SLC4A4: variants seen among roughly 807,000 people sequenced by gnomAD.
The protein encoded by SLC4A4 is solute carrier family 4 member 4.
In SLC4A4, 27 loss-of-function variants were observed where a neutral mutation model predicts 111.5. The observed-to-expected ratio is 0.24, with a 90% confidence interval of 0.18 to 0.33. SLC4A4 has a LOEUF of 0.33. Ranked by LOEUF, SLC4A4 falls within the 10% of genes least tolerant of loss-of-function variation. SLC4A4 has a pLI of 1.00. For missense variants in SLC4A4, 909 were observed against 1,315.5 expected (o/e 0.69, Z 4.78); for synonymous variants, 443 against 463.4 (o/e 0.96, Z 0.57).
At chr4:71,204,488 A>G (rs1458919466) in intron 1 of SLC4A4, among the ~76,000 whole-genome samples, 13 of 152,148 alleles carry the variant, frequency 8.5e-5, no homozygotes, top group Non-Finnish European at 1.5e-4. Context: ...AAAACTTTTT[A>G]TTCTTCTTGT....
intron 16 of SLC4A4, among the ~76,000 whole-genome samples, chr4:71,503,589 C>T (rs768679264): frequency 1.8e-4 from 27 of 151,924 alleles, no homozygotes; most frequent in Non-Finnish European, 2.8e-4. Flanking sequence ...TTTTTTGCTC[C>T]CTCCCACAAT....
chr4:71,352,030 A>C (rs1283143948), intron 5 of SLC4A4, among the ~76,000 whole-genome samples: 2 of 152,336 alleles, frequency 1.3e-5, no homozygotes, highest in East Asian at 1.9e-4. Flanking sequence ...GGGAGATCGG[A>C]ACCCATCTAC....
chr4:71,063,466 T>G lies in SLC4A4; in HGVS notation c.-65+678T>G, dbSNP rs141940208. Among the ~76,000 whole-genome samples the G allele has an allele frequency of 7.9e-4, 120 of 152,230 alleles. 1 individual carries two copies. The East Asian group carries it at 0.022, about 27-fold the overall frequency. On this transcript the variant is annotated intron_variant, in intron 1 of 26. Transcript: ENST00000649996. ...ATCATTCTCTCATAACTAAAGAATT[T>G]TATTAAATGAGTCAATAAATGTCAA...
intron 1 of SLC4A4, among the ~76,000 whole-genome samples, chr4:71,082,939 C>T (rs138029600): frequency 1.1e-4 from 16 of 151,902 alleles, no homozygotes; most frequent in East Asian, 5.8e-4. Context: ...CTGTAACCTC[C>T]GCCTCCCAGG....
intron 13 of SLC4A4, among the ~76,000 whole-genome samples, chr4:71,471,228 T>C (rs370437738): frequency 3.9e-5 from 6 of 151,992 alleles, no homozygotes; most frequent in East Asian, 1.9e-4. Context: ...CAAGTCTTTA[T>C]TGGGCACTTT....
At chr4:71,431,318 G>T (rs867769373) in intron 7 of SLC4A4, among the ~76,000 whole-genome samples, 1 of 152,154 alleles carries the variant, frequency 6.6e-6, no homozygotes, top group South Asian at 2.1e-4. Flanking sequence ...TGTGTCCAGG[G>T]AAAGCCTCTC....
chr4:71,565,768 C>A (rs12644022), intron 24 of SLC4A4, among the ~76,000 whole-genome samples: 3 of 151,638 alleles, frequency 2.0e-5, no homozygotes, highest in Admixed American at 6.6e-5. Context: ...GTATCCACCC[C>A]CTGAGGTTCC....
chr4:71,420,994 T>A (rs1722411940), intron 7 of SLC4A4, among the ~76,000 whole-genome samples: 1 of 147,900 alleles, frequency 6.8e-6, no homozygotes, highest in African/African-American at 2.5e-5. Flanking sequence ...AATATTAACT[T>A]TAAATGTAAA....
chr4:71,399,326 T>C (rs1404518224), intron 7 of SLC4A4, among the ~76,000 whole-genome samples: 1 of 152,124 alleles, frequency 6.6e-6, no homozygotes, highest in Non-Finnish European at 1.5e-5. Flanking sequence ...TTCATGATGG[T>C]GTTCCTCTTT....
intron 18 of SLC4A4, among the ~76,000 whole-genome samples, chr4:71,538,260 T>G (rs1411686561): frequency 1.3e-5 from 2 of 152,140 alleles, no homozygotes; most frequent in Non-Finnish European, 2.9e-5. Flanking sequence ...TTCGGAAGTT[T>G]AGGAATGATA....
intron 2 of SLC4A4, among the ~76,000 whole-genome samples, chr4:71,106,214 C>A (rs1160489498): frequency 6.7e-6 from 1 of 149,908 alleles, no homozygotes; most frequent in Admixed American, 6.6e-5. Flanking sequence ...AAATCTAAAC[C>A]ACAATGAGCT....
chr4:71,214,712 C>T (rs1376891742), intron 1 of SLC4A4, among the ~76,000 whole-genome samples: 4 of 152,170 alleles, frequency 2.6e-5, no homozygotes, highest in Non-Finnish European at 4.4e-5. Flanking sequence ...TTTCATGTCA[C>T]AGAGTGCTCA....
At chr4:71,345,363 A>G (rs2067558) in intron 4 of SLC4A4, among the ~76,000 whole-genome samples, 34 of 152,074 alleles carry the variant, frequency 2.2e-4, no homozygotes, top group African/African-American at 8.2e-4. Context: ...CTCTGCAAAA[A>G]TGATTATTAG....
chr4:71,423,439 A>C (rs535446379), intron 7 of SLC4A4, among the ~76,000 whole-genome samples: 1 of 152,358 alleles, frequency 6.6e-6, no homozygotes, highest in East Asian at 1.9e-4. Context: ...ATTCAATGCC[A>C]TGCCCATCAA....
At chr4:71,358,766 GTTATAGAATGAGTAGT>G (rs1730506974) in intron 6 of SLC4A4, among the ~76,000 whole-genome samples, 2 of 151,930 alleles carry the variant, frequency 1.3e-5, no homozygotes, top group Non-Finnish European at 2.9e-5. Flanking sequence ...TGGCTAGAAA[GTTATAGAATGAGTAGT>G]TTATTATAAC....
At chr4:71,567,764 C>CTTTTTT in intron 25 of SLC4A4, 24 bp from the exon 26 acceptor site, 1 of 1,055,940 alleles carries the variant, frequency 9.5e-7, no homozygotes. Flanking sequence ...TTACTTACTA[C>CTTTTTT]TTTTTTTTTT....
At chr4:71,157,120 T>C (rs1236382438) in intron 2 of SLC4A4, among the ~76,000 whole-genome samples, 4 of 152,150 alleles carry the variant, frequency 2.6e-5, no homozygotes, top group Non-Finnish European at 5.9e-5. Context: ...AACCTGCAAT[T>C]ATGGAAGGTC....
At position 71,419,468 on chromosome 4, in the gene SLC4A4, C is replaced by T. The variant is rs183195733; in HGVS notation, c.808-21148C>T. Among the ~76,000 whole-genome samples, 612 of 152,294 alleles carry T rather than the reference C, an allele frequency of 4.0e-3. 14 individuals carry two copies. The highest frequency in any genetic ancestry group is 0.025 in the Admixed American group (388 of 15,296). On this transcript the variant is annotated intron_variant, in intron 7 of 25. Coordinates refer to ENST00000264485, the MANE Select transcript of SLC4A4 (RefSeq NM_001098484.3). ...CTCAGACTGCTGTGCTAGCAATCAG[C>T]GAGACTCCGTGGGCGTAGGACCCTC... is the stretch of plus-strand genomic sequence containing the variant.
intron 2 of SLC4A4, among the ~76,000 whole-genome samples, chr4:71,130,076 C>G (rs1015193159): frequency 6.6e-6 from 1 of 152,160 alleles, no homozygotes; most frequent in Non-Finnish European, 1.5e-5. Context: ...ACACCAAACC[C>G]TTGTGACATG....
Sources: gnomAD v4.1 joint callset for allele counts (sites outside exome capture counted in the v4.1 genomes callset) on GRCh38, gnomAD v4.1.1 for gene constraint, MANE v1.5 for transcripts, NCBI Gene and HGNC (gene_info 2026-07-23, HGNC 2026-07-21) for gene names.